Variants in SLC35F1 observed in about 807,000 individuals in gnomAD.
SLC35F1 encodes the protein chromosome 6 open reading frame 169.
In SLC35F1, 14 loss-of-function variants were observed where a neutral mutation model predicts 48.7. That is an observed-to-expected ratio of 0.29 (90% CI 0.19 to 0.45). The LOEUF (loss-of-function observed/expected upper bound fraction) is 0.45. SLC35F1 is among the 20% of genes least tolerant of loss of function. The pLI is 1.00. For synonymous variants in SLC35F1, 190 were observed against 202.2 expected, an observed-to-expected ratio of 0.94 and a Z score of 0.51; for missense variants, 404 against 500.0, an observed-to-expected ratio of 0.81 and a Z score of 1.83.
chr6:117,960,296 A>C (rs1479463078), intron 1 of SLC35F1, among the ~76,000 whole-genome samples: 1 of 150,906 alleles, frequency 6.6e-6, no homozygotes, highest in Non-Finnish European at 1.5e-5. Flanking sequence ...GACAGTTTGT[A>C]AGGCACTGTG....
chr6:117,971,858 C>T (rs1018220971), intron 1 of SLC35F1, among the ~76,000 whole-genome samples: 2 of 152,206 alleles, frequency 1.3e-5, no homozygotes, highest in African/African-American at 4.8e-5. Flanking sequence ...ATTTTTCCCT[C>T]CTAGGCCTCC....
chr6:117,915,590 C>T (rs57637403), intron 1 of SLC35F1, among the ~76,000 whole-genome samples: 52 of 151,988 alleles, frequency 3.4e-4, no homozygotes, highest in African/African-American at 1.2e-3. Context: ...TTATAGGATG[C>T]GTCAATACAA....
At chr6:118,273,417 A>G (rs1422124542) in intron 4 of SLC35F1, among the ~76,000 whole-genome samples, 1 of 152,212 alleles carries the variant, frequency 6.6e-6, no homozygotes, top group Admixed American at 6.5e-5. Context: ...ATTATGCAGC[A>G]CTTCCACACT....
chr6:117,958,275 T>TA (rs545028035), intron 1 of SLC35F1, among the ~76,000 whole-genome samples: 19 of 152,224 alleles, frequency 1.2e-4, no homozygotes, highest in Non-Finnish European at 2.6e-4. Context: ...GTCAAAAAGT[T>TA]AAAAAAATTA....
chr6:118,311,731 C>T lies in SLC35F1; in HGVS notation c.1003-2297C>T, dbSNP rs79391819. On this transcript the variant is annotated intron_variant, in intron 7 of 7. Transcript: ENST00000360388. ...ACATGATTCTGGAAGATTGATGCTG[C>T]GGTAAACCATGATTGTGCCACTGCA... is the stretch of plus-strand genomic sequence containing the variant. Among the ~76,000 whole-genome samples, 111 of 151,998 alleles carry T rather than the reference C, an allele frequency of 7.3e-4. 1 individual carries two copies. The East Asian group carries it at 0.019, about 26-fold the overall frequency.
intron 1 of SLC35F1, among the ~76,000 whole-genome samples, chr6:117,935,308 C>CCT (rs1562242438): frequency 6.6e-6 from 1 of 152,122 alleles, no homozygotes; most frequent in African/African-American, 2.4e-5. Flanking sequence ...AAGTTATGCT[C>CCT]TATAAAGTTG....
intron 1 of SLC35F1, among the ~76,000 whole-genome samples, chr6:118,081,027 G>A (rs892490138): frequency 1.3e-5 from 2 of 152,062 alleles, no homozygotes; most frequent in Non-Finnish European, 2.9e-5. Context: ...TCAGAAGTGG[G>A]TTAGCCAGGG....
chr6:118,256,208 GTGTGT>G (rs1562341191), intron 3 of SLC35F1, among the ~76,000 whole-genome samples: 680 of 14,192 alleles, frequency 0.048, 5 homozygotes, highest in Middle Eastern at 0.12. Context: ...GACTTCTGGT[GTGTGT>G]GTGTGTGTGT....
intron 1 of SLC35F1, among the ~76,000 whole-genome samples, chr6:117,949,955 C>T (rs956015888): frequency 2.6e-5 from 4 of 152,132 alleles, no homozygotes; most frequent in African/African-American, 9.7e-5. Context: ...GAATCGTCCC[C>T]CACCCACTCT....
At chr6:118,231,381 G>C (rs1582742294) in intron 2 of SLC35F1, among the ~76,000 whole-genome samples, 3 of 152,106 alleles carry the variant, frequency 2.0e-5, no homozygotes, top group Non-Finnish European at 2.9e-5. Context: ...AGATGGCCCT[G>C]TTTCATGAGG....
intron 3 of SLC35F1, among the ~76,000 whole-genome samples, chr6:118,257,968 T>C (rs281862): frequency 0.1 from 15,381 of 152,208 alleles, 951 homozygotes; most frequent in African/African-American, 0.17. Flanking sequence ...TCAGAAAACA[T>C]AAAATACCAT....
intron 1 of SLC35F1, among the ~76,000 whole-genome samples, chr6:118,033,203 G>A (rs531679259): frequency 6.8e-6 from 1 of 147,730 alleles, no homozygotes; most frequent in East Asian, 1.9e-4. Context: ...ATGCTCATTT[G>A]CATTTTATTG....
chr6:118,140,305 C>A (rs1007534223), intron 1 of SLC35F1, among the ~76,000 whole-genome samples: 1 of 152,154 alleles, frequency 6.6e-6, no homozygotes, highest in African/African-American at 2.4e-5. Flanking sequence ...CAATGATGGA[C>A]GGCACATATA....
At chr6:118,075,883 GA>G in intron 1 of SLC35F1, among the ~76,000 whole-genome samples, 1 of 152,204 alleles carries the variant, frequency 6.6e-6, no homozygotes, top group Non-Finnish European at 1.5e-5. Context: ...TACAATTTAA[GA>G]AAACATTAAA....
chr6:118,073,695 ATTT>A, intron 1 of SLC35F1, among the ~76,000 whole-genome samples: 1 of 152,306 alleles, frequency 6.6e-6, no homozygotes, highest in South Asian at 2.1e-4. Flanking sequence ...GATACATGTT[ATTT>A]TTTATATCAA....
At chr6:118,272,232 G>A (rs781624416) in intron 4 of SLC35F1, among the ~76,000 whole-genome samples, 4 of 152,172 alleles carry the variant, frequency 2.6e-5, no homozygotes, top group Non-Finnish European at 5.9e-5. Context: ...TGGCTGCGGG[G>A]AAATGAGATA....
intron 2 of SLC35F1, among the ~76,000 whole-genome samples, chr6:118,212,604 C>T (rs1775013097): frequency 6.6e-6 from 1 of 151,844 alleles, no homozygotes; most frequent in Non-Finnish European, 1.5e-5. Flanking sequence ...GCAGAAGAAT[C>T]GCTTGACCCT....
chr6:117,947,841 A>C (rs754663018), intron 1 of SLC35F1, among the ~76,000 whole-genome samples: 1 of 152,018 alleles, frequency 6.6e-6, no homozygotes, highest in Non-Finnish European at 1.5e-5. Context: ...ATTGCCAAGC[A>C]TACACTTTGA....
chr6:118,177,064 A>G (rs992783485), intron 2 of SLC35F1, among the ~76,000 whole-genome samples: 6 of 152,132 alleles, frequency 3.9e-5, no homozygotes, highest in African/African-American at 1.4e-4. Flanking sequence ...CCATAGTGTT[A>G]TAGACTCACT....
Sources: gnomAD v4.1 joint callset for allele counts (sites outside exome capture counted in the v4.1 genomes callset) on GRCh38, gnomAD v4.1.1 for gene constraint, MANE v1.5 for transcripts, NCBI Gene and HGNC (gene_info 2026-07-23, HGNC 2026-07-21) for gene names.